The following LRRC8C variants were observed in gnomAD, a reference collection of about 807,000 sequenced individuals.
LRRC8C encodes the protein volume-regulated anion channel subunit LRRC8C.
In LRRC8C, 20 loss-of-function variants were observed where a neutral mutation model predicts 55.3. That is an observed-to-expected ratio of 0.36 (90% CI 0.25 to 0.53). LRRC8C has a LOEUF of 0.53. LRRC8C is among the 20% of genes least tolerant of loss of function. The pLI is 0.92. For missense variants in LRRC8C, 659 were observed against 951.4 expected, an observed-to-expected ratio of 0.69 and a Z score of 4.04; for synonymous variants, 376 against 360.7, an observed-to-expected ratio of 1.04 and a Z score of -0.48.
chr1:89,676,043 C>T (rs555569120), intron 1 of LRRC8C, among the ~76,000 whole-genome samples: 13 of 152,184 alleles, frequency 8.5e-5, no homozygotes, highest in South Asian at 2.1e-4. Flanking sequence ...TTGAATTGTG[C>T]GGAATAGGCA....
At chr1:89,677,416 A>C (rs1657581469) in intron 1 of LRRC8C, among the ~76,000 whole-genome samples, 1 of 152,222 alleles carries the variant, frequency 6.6e-6, no homozygotes, top group Non-Finnish European at 1.5e-5. Context: ...TAAATGTGTT[A>C]ATGTTCGTTT....
chr1:89,699,718 G>C (rs1228466511), intron 2 of LRRC8C, among the ~76,000 whole-genome samples: 1 of 152,154 alleles, frequency 6.6e-6, no homozygotes, highest in Non-Finnish European at 1.5e-5. Flanking sequence ...GTCTATTTCT[G>C]TGCTCCTGTG....
At chr1:89,665,756 G>A (rs965069224) in intron 1 of LRRC8C, among the ~76,000 whole-genome samples, 3 of 151,998 alleles carry the variant, frequency 2.0e-5, no homozygotes, top group South Asian at 2.1e-4. Context: ...TAAAGTCTAC[G>A]GCAGTGCAAA....
At chr1:89,694,240 T>G (rs1482053762) in intron 2 of LRRC8C, among the ~76,000 whole-genome samples, 3 of 152,136 alleles carry the variant, frequency 2.0e-5, no homozygotes. Flanking sequence ...ATCTATCACC[T>G]TGACAATTTT....
Position 89,714,019 on chromosome 1 carries a change from T to C in LRRC8C, c.1449T>C (p.Ser483=). Reference sequence around the variant, plus strand: ...ACCAGTGTTCTGTCAAAATCCACAGTGCGGCGCTCTCTTTCCTGAAGGAAA... The same window carrying C: ...ACCAGTGTTCTGTCAAAATCCACAGCGCGGCGCTCTCTTTCCTGAAGGAAA... ...SLHQCSVKIH[S]AALSFLKENL... The change falls in exon 3 of 3, where the codon AGT becomes AGC. Residue 483 remains serine, a synonymous_variant. Coordinates refer to ENST00000370454, the MANE Select transcript of LRRC8C (RefSeq NM_032270.5). The surrounding 1 kb of genome is among the most constrained non-coding windows in gnomAD (Gnocchi z 4.6). 1 of 1,613,468 alleles carries C rather than the reference T, an allele frequency of 6.2e-7. No individual in the cohort carries two copies. The highest frequency in any genetic ancestry group is 8.5e-7 in the Non-Finnish European group (1 of 1,180,020).
intron 1 of LRRC8C, among the ~76,000 whole-genome samples, chr1:89,651,581 A>G (rs1014929793): frequency 4.0e-5 from 6 of 151,280 alleles, no homozygotes; most frequent in South Asian, 2.1e-4. Flanking sequence ...AAAAAAAAAA[A>G]AAAAAAAAAG....
At chr1:89,646,293 T>A (rs1013681613) in intron 1 of LRRC8C, among the ~76,000 whole-genome samples, 1 of 152,088 alleles carries the variant, frequency 6.6e-6, no homozygotes, top group Non-Finnish European at 1.5e-5. Context: ...CCTACTGACG[T>A]TAAAAGGATA....
intron 2 of LRRC8C, among the ~76,000 whole-genome samples, chr1:89,706,620 T>A (rs890257255): frequency 6.6e-6 from 1 of 152,184 alleles, no homozygotes; most frequent in Non-Finnish European, 1.5e-5. Flanking sequence ...CAATAGAGCA[T>A]GCACATACTC....
chr1:89,669,059 G>T (rs1377069382), intron 1 of LRRC8C, among the ~76,000 whole-genome samples: 2 of 152,024 alleles, frequency 1.3e-5, no homozygotes, highest in African/African-American at 2.4e-5. Flanking sequence ...ATTGACAGAT[G>T]AATAGAAAAA....
chr1:89,656,338 C>T (rs867067368), intron 1 of LRRC8C, among the ~76,000 whole-genome samples: 7 of 152,208 alleles, frequency 4.6e-5, no homozygotes, highest in Non-Finnish European at 7.3e-5. Flanking sequence ...GGTCTAACTG[C>T]CTGTCAGGTG....
the LRRC8C span, chr1:89,626,161 A>G: frequency 6.6e-6 from 1 of 152,236 alleles, no homozygotes; most frequent in Non-Finnish European, 1.5e-5. Flanking sequence ...TTCCTTAGTA[A>G]CGCAGTTATA....
rs1311947002 is a variant in LRRC8C, at chr1:89,656,375, AAGC to A, written c.-5+23055_-5+23057del. ...GGGGTGGGGATGGGCCCTTGCTCTTAAGCACCTGTTCATTAACTTTATCATTAT... is the reference window on the plus strand; with the variant it reads ...GGGGTGGGGATGGGCCCTTGCTCTTAACCTGTTCATTAACTTTATCATTAT... On this transcript the variant is annotated intron_variant, in intron 1 of 2. Transcript: ENST00000370454. Among the ~76,000 whole-genome samples, 10 of 152,176 alleles carry A rather than the reference AAGC, an allele frequency of 6.6e-5. No homozygotes were observed. In the East Asian group the frequency reaches 1.9e-3, roughly 29 times the overall value.
rs1029018215 is a variant in LRRC8C at position 89,695,067 on chromosome 1, G to A, written c.138+8456G>A. On this transcript the variant is annotated intron_variant, in intron 2 of 2. Coordinates refer to ENST00000370454, the MANE Select transcript of LRRC8C (RefSeq NM_032270.5). ...CTCCCGAGTAACTGGGACTACAGAC[G>A]TGAGCCACCATGCCCAGCTAATTTT... Among the ~76,000 whole-genome samples the A allele has an allele frequency of 4.7e-5, 7 of 150,450 alleles. No individual in the cohort carries two copies. The Middle Eastern group carries it at 0.011, about 237-fold the overall frequency.
chr1:89,675,745 T>C (rs1438344218), intron 1 of LRRC8C, among the ~76,000 whole-genome samples: 1 of 152,108 alleles, frequency 6.6e-6, no homozygotes, highest in Non-Finnish European at 1.5e-5. Context: ...AGAATCCGAT[T>C]GGGATTGGGA....
chr1:89,645,302 T>C (rs1331079576), intron 1 of LRRC8C, among the ~76,000 whole-genome samples: 1 of 151,856 alleles, frequency 6.6e-6, no homozygotes, highest in Non-Finnish European at 1.5e-5. Context: ...TGAACATGTA[T>C]TGATAGAAAT....
Position 89,712,823 on chromosome 1 carries a change from A to C in LRRC8C, c.253A>C (p.Lys85Gln). 6.2e-7 allele frequency: 1 copy of C among 1,614,128 alleles called. No homozygotes were observed. The change falls in exon 3 of 3, where the codon AAA becomes CAA. Residue 85 changes from lysine (K) to glutamine (Q), a missense_variant. Physicochemically the swap from Lys to Gln is moderately conservative, Grantham distance 53 (BLOSUM62 1). Coordinates refer to ENST00000370454, the MANE Select transcript of LRRC8C (RefSeq NM_032270.5). ...VASTTPLPPP[K>Q]PSPANPITVE... ...CAGTACCACTCCACTGCCTCCACCT[A>C]AACCATCTCCTGCTAACCCCATCAC... is the stretch of plus-strand genomic sequence containing the variant.
intron 2 of LRRC8C, among the ~76,000 whole-genome samples, chr1:89,711,564 T>G (rs1035432786): frequency 1.3e-5 from 2 of 152,256 alleles, no homozygotes; most frequent in African/African-American, 4.8e-5. Context: ...TTTTTGTTCA[T>G]AGAGTTCTAC....
At chr1:89,711,652 A>G (rs560388812) in intron 2 of LRRC8C, among the ~76,000 whole-genome samples, 31 of 152,348 alleles carry the variant, frequency 2.0e-4, no homozygotes, top group African/African-American at 6.3e-4. Flanking sequence ...CTTATCTTCA[A>G]AAAGGGTGCA....
intron 1 of LRRC8C, among the ~76,000 whole-genome samples, chr1:89,660,127 G>A (rs547530314): frequency 3.7e-4 from 56 of 152,160 alleles, no homozygotes; most frequent in Non-Finnish European, 6.5e-4. Context: ...CTGATGTGGT[G>A]ATCTGGGAAT....
Sources: allele counts gnomAD v4.1 joint callset (sites outside exome capture counted in the v4.1 genomes callset), GRCh38; gene constraint gnomAD v4.1.1; non-coding constraint Gnocchi (gnomAD v3.1); transcripts MANE v1.5; gene names NCBI Gene and HGNC (gene_info 2026-07-23, HGNC 2026-07-21).